The following KLF12 variants were observed in gnomAD, a reference collection of about 807,000 sequenced individuals.
KLF12 encodes KLF transcription factor 12, also known as Krueppel-like factor 12.
A neutral mutation model predicts 37.8 loss-of-function variants in KLF12; 9 were observed. The observed-to-expected ratio is 0.24, with a 90% CI of 0.14 to 0.42. KLF12 has a LOEUF of 0.42. KLF12 is among the 10% of genes least tolerant of loss of function. The pLI, the probability that KLF12 is intolerant of heterozygous loss-of-function variation, is 1.00. For missense variants in KLF12, 411 were observed against 516.0 expected (o/e 0.80, Z 1.97); for synonymous variants, 208 against 202.1 (o/e 1.03, Z -0.25).
chr13:74,274,392 G>A, the KLF12 span, among the ~76,000 whole-genome samples: 278 of 152,118 alleles, frequency 1.8e-3, 2 homozygotes, highest in African/African-American at 5.7e-3. Context: ...CTCTAAGATC[G>A]CACATTACCA....
At chr13:73,737,637 G>GA (rs1213925278) in intron 6 of KLF12, among the ~76,000 whole-genome samples, 1 of 152,116 alleles carries the variant, frequency 6.6e-6, no homozygotes, top group African/African-American at 2.4e-5. Flanking sequence ...AACTTTCCTT[G>GA]ATTACTGGGC....
chr13:74,123,763 CAA>C (rs1877774433), intron 1 of KLF12, among the ~76,000 whole-genome samples: 1 of 152,136 alleles, frequency 6.6e-6, no homozygotes, highest in Non-Finnish European at 1.5e-5. Context: ...TGTGGACTTG[CAA>C]AGTTTTTACT....
the KLF12 span, among the ~76,000 whole-genome samples, chr13:74,208,058 T>A: frequency 6.6e-6 from 1 of 152,136 alleles, no homozygotes; most frequent in African/African-American, 2.4e-5. Context: ...AAGGAAAAAA[T>A]GCAGTAATAA....
intron 1 of KLF12, among the ~76,000 whole-genome samples, chr13:74,103,755 A>C (rs184900629): frequency 6.2e-4 from 95 of 152,354 alleles, no homozygotes; most frequent in African/African-American, 2.2e-3. Flanking sequence ...GATGAGACGT[A>C]ATTCAACTAT....
chr13:73,933,846 G>A (rs1251333346), intron 3 of KLF12, among the ~76,000 whole-genome samples: 1 of 151,308 alleles, frequency 6.6e-6, no homozygotes, highest in Non-Finnish European at 1.5e-5. Context: ...CTTAATTGTG[G>A]TAAAGAACAT....
intron 5 of KLF12, among the ~76,000 whole-genome samples, chr13:73,787,064 AG>A (rs1387409062): frequency 2.0e-5 from 3 of 152,200 alleles, no homozygotes; most frequent in Non-Finnish European, 4.4e-5. Context: ...GTATTGTTAG[AG>A]TACATGTTTT....
At chr13:73,767,642 A>G (rs1393825496) in intron 5 of KLF12, among the ~76,000 whole-genome samples, 1 of 152,330 alleles carries the variant, frequency 6.6e-6, no homozygotes, top group East Asian at 1.9e-4. Flanking sequence ...ATGTGTACCA[A>G]CTGTTCTATT....
intron 2 of KLF12, among the ~76,000 whole-genome samples, chr13:73,952,403 C>G (rs1046786297): frequency 4.6e-5 from 7 of 152,110 alleles, no homozygotes; most frequent in Non-Finnish European, 1.0e-4. Flanking sequence ...TACACACTTT[C>G]AAACAACCAG....
chr13:74,181,526 C>T, the KLF12 span, among the ~76,000 whole-genome samples: 1 of 150,416 alleles, frequency 6.6e-6, no homozygotes, highest in Non-Finnish European at 1.5e-5. Context: ...CTAAAACAAA[C>T]AAACAAACAA....
At chr13:73,839,392 C>T (rs1212245853) in intron 4 of KLF12, among the ~76,000 whole-genome samples, 1 of 151,946 alleles carries the variant, frequency 6.6e-6, no homozygotes, top group Non-Finnish European at 1.5e-5. Flanking sequence ...CATGAGCCAC[C>T]ACACCTGTCT....
the KLF12 span, among the ~76,000 whole-genome samples, chr13:74,294,984 A>G: frequency 6.6e-6 from 1 of 152,178 alleles, no homozygotes; most frequent in Non-Finnish European, 1.5e-5. Context: ...TGCTTAAAAT[A>G]GAGGTTGGCA....
At chr13:74,283,153 C>A in the KLF12 span, among the ~76,000 whole-genome samples, 1 of 152,190 alleles carries the variant, frequency 6.6e-6, no homozygotes, top group African/African-American at 2.4e-5. Flanking sequence ...ATGTAGACTG[C>A]AAACTTCACC....
intron 5 of KLF12, among the ~76,000 whole-genome samples, chr13:73,795,095 C>T (rs1457407075): frequency 6.6e-6 from 1 of 152,156 alleles, no homozygotes; most frequent in Non-Finnish European, 1.5e-5. Context: ...AGAAAGTTTT[C>T]ATGATTTTTT....
intron 4 of KLF12, among the ~76,000 whole-genome samples, chr13:73,839,866 T>C (rs1884649546): frequency 6.6e-6 from 1 of 152,220 alleles, no homozygotes. Flanking sequence ...TGTAGGATTA[T>C]TCCTGATGGC....
the KLF12 span, among the ~76,000 whole-genome samples, chr13:74,178,757 C>T: frequency 6.6e-6 from 1 of 152,180 alleles, no homozygotes; most frequent in African/African-American, 2.4e-5. Flanking sequence ...TAGGCTGACA[C>T]TGAGCATAGG....
At chr13:74,175,135 T>TA in the KLF12 span, among the ~76,000 whole-genome samples, 1 of 152,010 alleles carries the variant, frequency 6.6e-6, no homozygotes. Flanking sequence ...CAAAAATAAA[T>TA]TTTTTTTACC....
At chr13:73,781,181 C>T (rs1880942888) in intron 5 of KLF12, among the ~76,000 whole-genome samples, 1 of 152,210 alleles carries the variant, frequency 6.6e-6, no homozygotes. Context: ...TTAGCATTTT[C>T]TGACAATAAT....
In KLF12 at chr13:74,020,776, A is replaced by C. The variant is rs140766505; in HGVS notation, c.-31-25723T>G. On this transcript the variant is annotated intron_variant, in intron 1 of 7. Coordinates refer to ENST00000377669, the MANE Select transcript of KLF12 (RefSeq NM_007249.5). The stretch of plus-strand genomic sequence containing the variant: ...CATGATGGCGTGTGCCTGTAGTCCC[A>C]GCTACTCGGGAGGCTGAGGCAGGAG... Among the ~76,000 whole-genome samples, 1,178 of 152,098 alleles carry C rather than the reference A, an allele frequency of 7.7e-3. 9 individuals are homozygous for C. Among genetic ancestry groups the C allele is most frequent in the African/African-American group, 0.026 (1,096 of 41,480 alleles).
chr13:74,126,073 A>G (rs1443065209), intron 1 of KLF12, among the ~76,000 whole-genome samples: 1 of 152,246 alleles, frequency 6.6e-6, no homozygotes, highest in Admixed American at 6.5e-5. Context: ...TAAAACAGAA[A>G]GCATAACATA....
Sources: gnomAD v4.1 joint callset for allele counts (sites outside exome capture counted in the v4.1 genomes callset) on GRCh38, gnomAD v4.1.1 for gene constraint, MANE v1.5 for transcripts, NCBI Gene and HGNC (gene_info 2026-07-23, HGNC 2026-07-21) for gene names.